PIBF1: variants seen among roughly 807,000 people sequenced by gnomAD.
PIBF1 encodes progesterone immunomodulatory binding factor 1.
A neutral mutation model predicts 112.5 loss-of-function variants in PIBF1; 90 were observed. The ratio of observed to expected loss-of-function variants is 0.80; its 90% CI spans 0.67 to 0.95. The LOEUF (loss-of-function observed/expected upper bound fraction) is 0.95. Among genes scored for constraint, PIBF1 ranks in the 40% least tolerant of loss-of-function variants. PIBF1 has a pLI of 0.00. For synonymous variants in PIBF1, 301 were observed against 288.6 expected (o/e 1.04, Z -0.44); for missense variants, 915 against 852.3 (o/e 1.07, Z -0.92).
chr13:73,010,559 C>T lies in PIBF1; in HGVS notation c.2224-5310C>T, dbSNP rs548170943. Among the ~76,000 whole-genome samples, 4 of 151,924 alleles carry T rather than the reference C, an allele frequency of 2.6e-5. No homozygotes were observed. The South Asian group carries it at 8.3e-4, about 32-fold the overall frequency. On this transcript the variant is annotated intron_variant, in intron 17 of 17. Coordinates refer to ENST00000326291, the MANE Select transcript of PIBF1 (RefSeq NM_006346.4). ...CGGAGGTTGCAGTGGGCCGAGATTG[C>T]GTGACTGCACTCCAGCCTGGGCAAC...
chr13:72,971,192 G>A (rs1175799878), intron 15 of PIBF1, among the ~76,000 whole-genome samples: 2 of 114,804 alleles, frequency 1.7e-5, no homozygotes, highest in African/African-American at 7.4e-5. Flanking sequence ...GTGAGTGTGT[G>A]TGTGTGTGTG....
chr13:72,793,709 G>A (rs1762162529), intron 3 of PIBF1, among the ~76,000 whole-genome samples: 1 of 152,144 alleles, frequency 6.6e-6, no homozygotes, highest in Admixed American at 6.5e-5. Flanking sequence ...ATTTTTTGGA[G>A]GGCTGATGGA....
intron 16 of PIBF1, among the ~76,000 whole-genome samples, chr13:72,997,727 G>T (rs1442026517): frequency 6.6e-6 from 1 of 152,162 alleles, no homozygotes; most frequent in Non-Finnish European, 1.5e-5. Flanking sequence ...TCGTGTTTTG[G>T]CATGAAGATA....
intron 14 of PIBF1, among the ~76,000 whole-genome samples, chr13:72,959,304 CTA>C (rs1013536263): frequency 2.0e-5 from 3 of 152,070 alleles, no homozygotes; most frequent in African/African-American, 7.2e-5. Flanking sequence ...CCAGAAATCA[CTA>C]TTTTTTTTTA....
intron 16 of PIBF1, among the ~76,000 whole-genome samples, chr13:72,990,908 G>C (rs1719603770): frequency 1.3e-5 from 2 of 152,128 alleles, no homozygotes; most frequent in Admixed American, 6.6e-5. Flanking sequence ...TTTAAAACAA[G>C]ACTGGTTTTT....
In PIBF1 at chr13:72,922,691, A is replaced by G. The variant is rs572585850; in HGVS notation, c.1730+5525A>G. 2.1e-3 allele frequency among the ~76,000 whole-genome samples: 316 copies of G among 152,354 alleles called. 1 individual carries two copies. The highest frequency in any genetic ancestry group is 7.1e-3 in the African/African-American group (296 of 41,582). On this transcript the variant is annotated intron_variant, in intron 13 of 17. Coordinates refer to ENST00000326291, the MANE Select transcript of PIBF1 (RefSeq NM_006346.4). ...AATAAAAAAAAATAAAGCAGAGGAA[A>G]CTAGCAAAATTTTGTGTATGACAAA...
chr13:72,785,583 G>A (rs1373156948), intron 2 of PIBF1, among the ~76,000 whole-genome samples: 1 of 152,136 alleles, frequency 6.6e-6, no homozygotes, highest in Non-Finnish European at 1.5e-5. Flanking sequence ...TTTCTTTTAG[G>A]TACCCTATAC....
chr13:72,992,321 A>G (rs190452584), intron 16 of PIBF1, among the ~76,000 whole-genome samples: 2 of 152,378 alleles, frequency 1.3e-5, no homozygotes, highest in African/African-American at 4.8e-5. Flanking sequence ...CAGAATTTAA[A>G]AAATATTTTG....
intron 9 of PIBF1, among the ~76,000 whole-genome samples, chr13:72,840,569 A>G (rs2037564748): frequency 1.4e-5 from 2 of 147,168 alleles, no homozygotes; most frequent in Non-Finnish European, 3.0e-5. Context: ...TGTCACCCAG[A>G]CTGGAGTGCA....
chr13:72,824,431 C>T (rs1256180440), intron 6 of PIBF1, among the ~76,000 whole-genome samples: 1 of 152,106 alleles, frequency 6.6e-6, no homozygotes, highest in Non-Finnish European at 1.5e-5. Flanking sequence ...TAATGAATTA[C>T]AGTCCATTGA....
intron 16 of PIBF1, among the ~76,000 whole-genome samples, chr13:72,992,284 A>G (rs1157174548): frequency 1.3e-5 from 2 of 152,250 alleles, no homozygotes; most frequent in African/African-American, 2.4e-5. Context: ...TTTACAATGA[A>G]CAAATAATAT....
intron 10 of PIBF1, among the ~76,000 whole-genome samples, 192 bp from the exon 11 acceptor site, chr13:72,893,592 G>T (rs1327395561): frequency 6.6e-6 from 1 of 152,014 alleles, no homozygotes; most frequent in Non-Finnish European, 1.5e-5. Context: ...AAAGTTAATT[G>T]ATATGTTCAC....
At chr13:72,921,799 C>T (rs868858944) in intron 13 of PIBF1, among the ~76,000 whole-genome samples, 2 of 152,006 alleles carry the variant, frequency 1.3e-5, no homozygotes, top group Non-Finnish European at 2.9e-5. Flanking sequence ...AGTGCTAGGT[C>T]GTTACACCTT....
At chr13:72,949,778 G>C (rs2042249945) in intron 14 of PIBF1, among the ~76,000 whole-genome samples, 2 of 151,870 alleles carry the variant, frequency 1.3e-5, no homozygotes, top group South Asian at 4.2e-4. Flanking sequence ...ATTCTGTTCT[G>C]TTTCTTTTTT....
chr13:72,977,855 C>CT (rs2043062802), intron 16 of PIBF1, among the ~76,000 whole-genome samples: 2 of 152,032 alleles, frequency 1.3e-5, no homozygotes, highest in African/African-American at 2.4e-5. Flanking sequence ...TTAGTCCTAA[C>CT]TTTTTTTGCG....
intron 11 of PIBF1, among the ~76,000 whole-genome samples, chr13:72,895,399 T>C (rs2138581587): frequency 6.6e-6 from 1 of 151,154 alleles, no homozygotes; most frequent in African/African-American, 2.4e-5. Flanking sequence ...GACAAAGGGC[T>C]TATGTCCTTA....
chr13:73,011,847 A>G (rs193166101), intron 17 of PIBF1, among the ~76,000 whole-genome samples: 1 of 152,322 alleles, frequency 6.6e-6, no homozygotes, highest in Admixed American at 6.5e-5. Context: ...AGACAGTGCA[A>G]GCATCAGAAC....
At chr13:72,907,892 T>G (rs1027846100) in intron 11 of PIBF1, among the ~76,000 whole-genome samples, 35 of 152,182 alleles carry the variant, frequency 2.3e-4, no homozygotes, top group African/African-American at 8.0e-4. Flanking sequence ...TGAATTACCA[T>G]TGGAGTGTAG....
At chr13:72,985,707 C>A (rs1484854494) in intron 16 of PIBF1, among the ~76,000 whole-genome samples, 2 of 152,090 alleles carry the variant, frequency 1.3e-5, no homozygotes, top group Non-Finnish European at 2.9e-5. Flanking sequence ...TAAGAGAAGG[C>A]TGGAATACAA....
Sources: gnomAD v4.1 joint callset for allele counts (sites outside exome capture counted in the v4.1 genomes callset) on GRCh38, gnomAD v4.1.1 for gene constraint, MANE v1.5 for transcripts, NCBI Gene and HGNC (gene_info 2026-07-23, HGNC 2026-07-21) for gene names.